The following PDGFC variants were observed in gnomAD, a reference collection of about 807,000 sequenced individuals.
The protein encoded by PDGFC is platelet derived growth factor C, also known as platelet-derived growth factor C.
In PDGFC, 12 loss-of-function variants were observed where a neutral mutation model predicts 35.5. The ratio of observed to expected loss-of-function variants is 0.34; its 90% CI spans 0.22 to 0.55. The LOEUF is 0.55. Among genes scored for constraint, PDGFC ranks in the 20% least tolerant of loss-of-function variants. The pLI, the probability that PDGFC is intolerant of heterozygous loss-of-function variation, is 0.91. For synonymous variants in PDGFC, 159 were observed against 148.8 expected (o/e 1.07, Z -0.50); for missense variants, 322 against 412.4 (o/e 0.78, Z 1.90).
At chr4:156,941,609 A>C (rs756239680) in intron 1 of PDGFC, among the ~76,000 whole-genome samples, 10 of 152,170 alleles carry the variant, frequency 6.6e-5, no homozygotes, top group Non-Finnish European at 1.3e-4. Flanking sequence ...AGGCAAAAGA[A>C]AATACCAAAT....
At chr4:156,894,121 C>T (rs1730576925) in intron 1 of PDGFC, among the ~76,000 whole-genome samples, 1 of 152,138 alleles carries the variant, frequency 6.6e-6, no homozygotes. Flanking sequence ...TATATCCATG[C>T]CTAAATTTAT....
intron 1 of PDGFC, among the ~76,000 whole-genome samples, chr4:156,929,461 CAA>C (rs34830477): frequency 2.6e-4 from 29 of 112,682 alleles, no homozygotes; most frequent in African/African-American, 6.9e-4. Flanking sequence ...GCATTCGTAG[CAA>C]AAAAAAAAAA....
intron 1 of PDGFC, among the ~76,000 whole-genome samples, chr4:156,884,364 A>C (rs1208911039): frequency 6.6e-6 from 1 of 152,226 alleles, no homozygotes; most frequent in African/African-American, 2.4e-5. Context: ...CAAGGTCATC[A>C]TTCAGAAATT....
intron 2 of PDGFC, among the ~76,000 whole-genome samples, chr4:156,849,808 C>T (rs2111080394): frequency 6.6e-6 from 1 of 152,120 alleles, no homozygotes; most frequent in South Asian, 2.1e-4. Flanking sequence ...AGAACTTTTT[C>T]TTTCAGTAGC....
intron 1 of PDGFC, among the ~76,000 whole-genome samples, chr4:156,901,270 C>T (rs1347937788): frequency 6.6e-6 from 1 of 152,182 alleles, no homozygotes; most frequent in Non-Finnish European, 1.5e-5. Flanking sequence ...TCTACAAATG[C>T]TCCTAGAGAT....
intron 1 of PDGFC, among the ~76,000 whole-genome samples, chr4:156,890,211 G>A (rs79126116): frequency 0.061 from 9,314 of 151,952 alleles, 378 homozygotes; most frequent in Middle Eastern, 0.11. Context: ...AAAGCAGCCA[G>A]GGATGTAATC....
intron 1 of PDGFC, among the ~76,000 whole-genome samples, chr4:156,933,859 C>T (rs1731613440): frequency 6.6e-6 from 1 of 152,152 alleles, no homozygotes; most frequent in Admixed American, 6.5e-5. Context: ...GCTTCCTCTT[C>T]ACCTTTCACC....
chr4:156,877,566 T>C (rs1438015353), intron 1 of PDGFC, among the ~76,000 whole-genome samples: 1 of 152,120 alleles, frequency 6.6e-6, no homozygotes, highest in East Asian at 1.9e-4. Flanking sequence ...CAAGTACCAG[T>C]AGAGAAAATA....
At chr4:156,819,678 T>C (rs1185807769) in intron 2 of PDGFC, among the ~76,000 whole-genome samples, 3 of 152,212 alleles carry the variant, frequency 2.0e-5, no homozygotes, top group Non-Finnish European at 2.9e-5. Context: ...ACAAGGAGAT[T>C]TATGTTTTCA....
At chr4:156,807,835 A>AT (rs1228880445) in intron 3 of PDGFC, among the ~76,000 whole-genome samples, 2 of 151,998 alleles carry the variant, frequency 1.3e-5, no homozygotes, top group Non-Finnish European at 2.9e-5. Flanking sequence ...CTCACTTAAA[A>AT]TTTTTTCTGT....
At chr4:156,794,446 A>G (rs1007223147) in intron 3 of PDGFC, among the ~76,000 whole-genome samples, 2 of 152,090 alleles carry the variant, frequency 1.3e-5, no homozygotes, top group Non-Finnish European at 2.9e-5. Flanking sequence ...AACACAAACC[A>G]AGAAGTAGCT....
intron 1 of PDGFC, among the ~76,000 whole-genome samples, chr4:156,934,012 CAT>C (rs1056649800): frequency 6.6e-6 from 1 of 152,174 alleles, no homozygotes; most frequent in Non-Finnish European, 1.5e-5. Context: ...TGAACTAACA[CAT>C]GACTTTACAG....
chr4:156,920,991 T>A (rs943750126), intron 1 of PDGFC, among the ~76,000 whole-genome samples: 2 of 152,144 alleles, frequency 1.3e-5, no homozygotes, highest in Non-Finnish European at 2.9e-5. Context: ...AAATGGATTG[T>A]TAACTGAGAA....
At chr4:156,782,467 T>C (rs1018187423) in intron 3 of PDGFC, among the ~76,000 whole-genome samples, 55 of 152,240 alleles carry the variant, frequency 3.6e-4, no homozygotes, top group African/African-American at 1.3e-3. Flanking sequence ...ATTTCAACAA[T>C]GGAGAAAAAT....
At chr4:156,800,531 G>A (rs900766800) in intron 3 of PDGFC, among the ~76,000 whole-genome samples, 11 of 152,092 alleles carry the variant, frequency 7.2e-5, no homozygotes, top group African/African-American at 2.7e-4. Context: ...TATATTAACA[G>A]CATTACTAAA....
chr4:156,886,398 T>C (rs1214117428), intron 1 of PDGFC, among the ~76,000 whole-genome samples: 1 of 152,244 alleles, frequency 6.6e-6, no homozygotes, highest in East Asian at 1.9e-4. Context: ...ACTTCTAGTT[T>C]AGATTAATAT....
At chr4:156,819,602 C>T (rs1267218924) in intron 2 of PDGFC, among the ~76,000 whole-genome samples, 1 of 152,168 alleles carries the variant, frequency 6.6e-6, no homozygotes, top group Non-Finnish European at 1.5e-5. Context: ...AATATTACTG[C>T]TCATTTGCAA....
intron 1 of PDGFC, among the ~76,000 whole-genome samples, chr4:156,870,873 G>T (rs1164623507): frequency 6.6e-6 from 1 of 152,066 alleles, no homozygotes; most frequent in African/African-American, 2.4e-5. Context: ...ATCAAAAAAA[G>T]CTATTCTCTG....
At chr4:156,871,339 C>T (rs1050326488) in intron 1 of PDGFC, among the ~76,000 whole-genome samples, 1 of 151,960 alleles carries the variant, frequency 6.6e-6, no homozygotes, top group Non-Finnish European at 1.5e-5. Flanking sequence ...GACTGCAGAT[C>T]GAGAAAACTA....
Sources: gnomAD v4.1 joint callset for allele counts (sites outside exome capture counted in the v4.1 genomes callset) on GRCh38, gnomAD v4.1.1 for gene constraint, MANE v1.5 for transcripts, NCBI Gene and HGNC (gene_info 2026-07-23, HGNC 2026-07-21) for gene names.